The following OR6N1 variants were observed in gnomAD, a reference collection of about 807,000 sequenced individuals.
OR6N1 encodes the protein olfactory receptor 6N1.
For missense variants in OR6N1, 394 were observed against 371.7 expected (o/e 1.06, Z -0.49); for synonymous variants, 170 against 150.7 (o/e 1.13, Z -0.94).
chr1:158,785,819 C>T, the OR6N1 span, among the ~76,000 whole-genome samples: 1 of 152,028 alleles, frequency 6.6e-6, no homozygotes, highest in African/African-American at 2.4e-5. Flanking sequence ...ATTTACCTAT[C>T]TATACAGGAT....
the OR6N1 span, among the ~76,000 whole-genome samples, chr1:158,787,635 T>TCTCTCACACACACACACA: frequency 4.3e-4 from 58 of 134,292 alleles, no homozygotes; most frequent in East Asian, 8.8e-4. Context: ...TCTCTCTCTC[T>TCTCTCACACACACACACA]CACACACACA....
the OR6N1 span, among the ~76,000 whole-genome samples, chr1:158,822,342 T>A: frequency 6.6e-6 from 1 of 152,210 alleles, no homozygotes; most frequent in Non-Finnish European, 1.5e-5. Context: ...GAGCATGAAA[T>A]GTTTTTCCAT....
chr1:158,806,533 A>C, the OR6N1 span, among the ~76,000 whole-genome samples: 1 of 152,200 alleles, frequency 6.6e-6, no homozygotes, highest in African/African-American at 2.4e-5. Context: ...ATATGATCAC[A>C]CAGCAAATAA....
chr1:158,816,104 G>C, the OR6N1 span, among the ~76,000 whole-genome samples: 3 of 150,372 alleles, frequency 2.0e-5, no homozygotes, highest in Admixed American at 1.3e-4. Flanking sequence ...CTTGCAGTGA[G>C]AGGAGATGGC....
chr1:158,779,453 A>C, the OR6N1 span, among the ~76,000 whole-genome samples: 3 of 152,240 alleles, frequency 2.0e-5, no homozygotes, highest in Non-Finnish European at 4.4e-5. Context: ...CAATTCATTT[A>C]ATAATTAGTA....
At chr1:158,838,163 C>T in the OR6N1 span, among the ~76,000 whole-genome samples, 1 of 151,860 alleles carries the variant, frequency 6.6e-6, no homozygotes, top group Non-Finnish European at 1.5e-5. Flanking sequence ...TATGTATATA[C>T]TTACCTTTCA....
chr1:158,765,726 C>G lies in OR6N1; in HGVS notation c.*18G>C, dbSNP rs754756981. ...ACCATATCCTCAGGCCCGGCCTTGG[C>G]CTACTCTCAGCCCCAACTCATGCCA... On this transcript the variant is annotated 3_prime_UTR_variant, in exon 2 of 2. Coordinates refer to ENST00000641846, the MANE Select transcript of OR6N1 (RefSeq NM_001005185.2). The G allele has an allele frequency of 3.8e-6, 6 of 1,596,476 alleles. No individual in the cohort carries two copies. The South Asian group carries it at 6.7e-5, about 18-fold the overall frequency.
At chr1:158,775,687 A>G (rs1298366001), upstream of OR6N1, 1 of 152,224 alleles carries the variant, frequency 6.6e-6, no homozygotes, top group African/African-American at 2.4e-5. Context: ...AATTTACACC[A>G]GGGTAGAAAC....
chr1:158,786,110 C>G, the OR6N1 span, among the ~76,000 whole-genome samples: 2 of 152,040 alleles, frequency 1.3e-5, no homozygotes, highest in African/African-American at 4.8e-5. Flanking sequence ...ACTATGCATC[C>G]AACGAAAGAC....
At chr1:158,786,896 A>T in the OR6N1 span, among the ~76,000 whole-genome samples, 1 of 152,212 alleles carries the variant, frequency 6.6e-6, no homozygotes, top group Non-Finnish European at 1.5e-5. Context: ...TATGGTGCAC[A>T]CTGCTCAGGT....
chr1:158,778,727 A>G, the OR6N1 span, among the ~76,000 whole-genome samples: 2 of 152,192 alleles, frequency 1.3e-5, no homozygotes, highest in African/African-American at 2.4e-5. Flanking sequence ...GTAAGAATGC[A>G]GATTCGGCCG....
chr1:158,824,862 C>A, the OR6N1 span, among the ~76,000 whole-genome samples: 1 of 152,088 alleles, frequency 6.6e-6, no homozygotes, highest in Non-Finnish European at 1.5e-5. Context: ...ACTATAAAAT[C>A]CCCAGCATAT....
the OR6N1 span, among the ~76,000 whole-genome samples, chr1:158,811,219 T>C: frequency 6.6e-6 from 1 of 152,182 alleles, no homozygotes; most frequent in Admixed American, 6.5e-5. Context: ...TTTTCCATTA[T>C]TAACCTTACC....
chr1:158,799,197 C>G, the OR6N1 span, among the ~76,000 whole-genome samples: 1 of 152,182 alleles, frequency 6.6e-6, no homozygotes, highest in Non-Finnish European at 1.5e-5. Flanking sequence ...ATTTATCTCA[C>G]ACCTAGTCAA....
the OR6N1 span, among the ~76,000 whole-genome samples, chr1:158,829,212 G>A: frequency 6.6e-6 from 1 of 152,228 alleles, no homozygotes; most frequent in Middle Eastern, 3.2e-3. Flanking sequence ...AATTTCTGCA[G>A]CTGGCATGAA....
chr1:158,837,955 C>T, the OR6N1 span, among the ~76,000 whole-genome samples: 2 of 151,796 alleles, frequency 1.3e-5, no homozygotes, highest in Non-Finnish European at 3.0e-5. Flanking sequence ...CTAATAACAA[C>T]TTAACTTCAA....
Position 158,766,242 on chromosome 1 carries a change from G to A in OR6N1, c.441C>T (p.Gly147=), listed in dbSNP as rs762338432. The A allele has an allele frequency of 8.7e-6, 14 of 1,614,092 alleles. No individual in the cohort carries two copies. The African/African-American group carries it at 1.7e-4, about 20-fold the overall frequency. ...GCCCAGCCAAGCCTCCCAACCAACAGCCAATGGCAATCTCTGCACAAAGTG... is the reference window on the plus strand; with the variant it reads ...GCCCAGCCAAGCCTCCCAACCAACAACCAATGGCAATCTCTGCACAAAGTG... ...TPTLCAEIAI[G]CWLGGLAGPV... Residue 147 remains glycine, a synonymous_variant, in exon 2 of 2, where the codon GGC becomes GGT. Coordinates refer to ENST00000641846, the MANE Select transcript of OR6N1 (RefSeq NM_001005185.2).
At chr1:158,802,632 C>G in the OR6N1 span, among the ~76,000 whole-genome samples, 43 of 152,256 alleles carry the variant, frequency 2.8e-4, no homozygotes, top group Non-Finnish European at 4.6e-4. Flanking sequence ...AGCACAGGCA[C>G]CACTATCACT....
chr1:158,770,765 C>G (rs551068311), intron 1 of OR6N1, among the ~76,000 whole-genome samples: 1 of 152,294 alleles, frequency 6.6e-6, no homozygotes, highest in South Asian at 2.1e-4. Flanking sequence ...AGCAAAAACT[C>G]ATATCTTCTC....
Sources: allele counts gnomAD v4.1 joint callset (sites outside exome capture counted in the v4.1 genomes callset), GRCh38; gene constraint gnomAD v4.1.1; transcripts MANE v1.5; gene names NCBI Gene and HGNC (gene_info 2026-07-23, HGNC 2026-07-21).